NEMP2: variants seen among roughly 807,000 people sequenced by gnomAD.
NEMP2 encodes the protein UPF0571 transmembrane protein.
A neutral mutation model predicts 54.2 loss-of-function variants in NEMP2; 53 were observed. The observed-to-expected ratio is 0.98, with a 90% CI of 0.78 to 1.23. The LOEUF (loss-of-function observed/expected upper bound fraction) is 1.23. NEMP2 is among the 50% of genes most tolerant of loss of function. The pLI is 0.00. For missense variants in NEMP2, 455 were observed against 511.3 expected, an observed-to-expected ratio of 0.89 and a Z score of 1.06; for synonymous variants, 197 against 190.3, an observed-to-expected ratio of 1.04 and a Z score of -0.29.
At chr2:190,614,660 A>G in the NEMP2 span, among the ~76,000 whole-genome samples, 1 of 152,230 alleles carries the variant, frequency 6.6e-6, no homozygotes, top group Non-Finnish European at 1.5e-5. This position sits in a 1 kb window ranked among gnomAD's most constrained non-coding sequence, Gnocchi z 5.7. Flanking sequence ...TAAGACAGAT[A>G]CACAAATAAG....
chr2:190,553,236 C>A, the NEMP2 span: 1 of 91,538 alleles, frequency 1.1e-5, no homozygotes, highest in African/African-American at 4.2e-5. Flanking sequence ...ATTATGCATT[C>A]CATTCTTCGT....
At chr2:190,635,734 A>G in the NEMP2 span, among the ~76,000 whole-genome samples, 1 of 152,066 alleles carries the variant, frequency 6.6e-6, no homozygotes, top group African/African-American at 2.4e-5. The surrounding 1 kb of genome is among the most constrained non-coding windows in gnomAD (Gnocchi z 4.1). Flanking sequence ...CAGGTAAGAG[A>G]GCTTCTCAGA....
the NEMP2 span, among the ~76,000 whole-genome samples, chr2:190,605,928 T>G: frequency 6.6e-6 from 1 of 152,160 alleles, no homozygotes; most frequent in Non-Finnish European, 1.5e-5. Context: ...AAGTGAGAAC[T>G]CCTTATGGGC....
At chr2:190,500,413 G>A (rs568547675), downstream of NEMP2, 86 of 617,820 alleles carry the variant, frequency 1.4e-4, no homozygotes, top group Middle Eastern at 8.8e-4. The surrounding 1 kb of genome is among the most constrained non-coding windows in gnomAD (Gnocchi z 5.3). Flanking sequence ...GTAAACTTTC[G>A]TAATCTCATT....
upstream of NEMP2, among the ~76,000 whole-genome samples, chr2:190,537,686 A>G (rs967644678): frequency 6.6e-6 from 1 of 152,230 alleles, no homozygotes; most frequent in Admixed American, 6.5e-5. Flanking sequence ...GAAGCAGAGC[A>G]TGAAAGTTTG....
the NEMP2 span, among the ~76,000 whole-genome samples, chr2:190,486,890 G>GA: frequency 6.6e-6 from 1 of 152,158 alleles, no homozygotes; most frequent in Admixed American, 6.5e-5. Context: ...GTGTCTTAAT[G>GA]AAGGTTTTAA....
In NEMP2 at chr2:190,525,225, C is replaced by A. The variant is rs987866830; in HGVS notation, c.213+38G>T. On this transcript the variant is annotated intron_variant, in intron 2 of 8. Coordinates refer to ENST00000409150, the MANE Select transcript of NEMP2 (RefSeq NM_001142645.2). This position sits in a 1 kb window ranked among gnomAD's most constrained non-coding sequence, Gnocchi z 5.0. ...TTCCTGTCCCCAGGACATGGTAATT[C>A]TCTGTCCCTAAGACATGAGTTAAAA... 11 of 1,143,270 alleles carry A rather than the reference C, an allele frequency of 9.6e-6. No homozygotes were observed. Among genetic ancestry groups the A allele is most frequent in the Non-Finnish European group, 1.4e-5 (11 of 783,840 alleles). 70.8% of individuals were successfully genotyped at this position (1,143,270 alleles called of 1,614,324 possible).
At chr2:190,517,176 G>C (rs552400034) in intron 5 of NEMP2, among the ~76,000 whole-genome samples, 18 of 150,448 alleles carry the variant, frequency 1.2e-4, no homozygotes, top group Admixed American at 8.6e-4. Context: ...TGTTATTCAA[G>C]GCCCCAATGG....
chr2:190,620,755 C>T, the NEMP2 span, among the ~76,000 whole-genome samples: 1 of 152,102 alleles, frequency 6.6e-6, no homozygotes, highest in Non-Finnish European at 1.5e-5. This position sits in a 1 kb window ranked among gnomAD's most constrained non-coding sequence, Gnocchi z 4.9. Flanking sequence ...GTACAAGAAG[C>T]TCTAGACAAG....
chr2:190,626,370 T>C, the NEMP2 span: 2 of 152,126 alleles, frequency 1.3e-5, no homozygotes, highest in East Asian at 1.9e-4. The surrounding 1 kb of genome is among the most constrained non-coding windows in gnomAD (Gnocchi z 4.5). Flanking sequence ...AAAGTTAAAA[T>C]GAATAACAAA....
chr2:190,493,157 C>T, the NEMP2 span, among the ~76,000 whole-genome samples: 4 of 151,902 alleles, frequency 2.6e-5, no homozygotes, highest in African/African-American at 4.8e-5. Context: ...CATAGGAACT[C>T]ACATAAATTT....
At chr2:190,545,266 C>T in the NEMP2 span, among the ~76,000 whole-genome samples, 121 of 152,256 alleles carry the variant, frequency 7.9e-4, no homozygotes, top group African/African-American at 2.9e-3. Flanking sequence ...CACTTGATTC[C>T]TAAGGAGCCT....
the NEMP2 span, among the ~76,000 whole-genome samples, chr2:190,630,199 C>A: frequency 2.0e-5 from 3 of 152,202 alleles, no homozygotes; most frequent in Non-Finnish European, 4.4e-5. This position sits in a 1 kb window ranked among gnomAD's most constrained non-coding sequence, Gnocchi z 5.5. Context: ...CAACAATGCT[C>A]CTGCTCATTC....
the NEMP2 span, among the ~76,000 whole-genome samples, chr2:190,612,632 T>C: frequency 2.0e-5 from 3 of 152,192 alleles, no homozygotes; most frequent in East Asian, 3.8e-4. Context: ...AATTGAACAA[T>C]TTTTTAAGTC....
chr2:190,484,062 G>A, the NEMP2 span, among the ~76,000 whole-genome samples: 5 of 152,100 alleles, frequency 3.3e-5, no homozygotes, highest in African/African-American at 1.2e-4. Context: ...CTTGGTCTCT[G>A]AGAGTCATTC....
chr2:190,647,074 T>G, the NEMP2 span, among the ~76,000 whole-genome samples: 1 of 152,178 alleles, frequency 6.6e-6, no homozygotes, highest in East Asian at 1.9e-4. Context: ...CCATCTAACT[T>G]TCTCTTTAGT....
chr2:190,488,737 C>G, the NEMP2 span: 2 of 1,610,662 alleles, frequency 1.2e-6, no homozygotes, highest in Non-Finnish European at 1.7e-6. The surrounding 1 kb of genome is among the most constrained non-coding windows in gnomAD (Gnocchi z 6.4). Flanking sequence ...GACATCTGCT[C>G]AGGGCATCCT....
the NEMP2 span, among the ~76,000 whole-genome samples, chr2:190,565,430 C>T: frequency 4.6e-3 from 700 of 152,146 alleles, 10 homozygotes; most frequent in African/African-American, 0.016. Context: ...GGGTCATAAC[C>T]AACATTTTCT....
rs1375260816 is a variant in NEMP2 at position 190,525,375 on chromosome 2, C to T, written c.101G>A (p.Arg34His). ...TTTTTCCTTCAAAGCTTTACACCTA[C>T]GAACTGAGAGATGGAAAAGGGAATG... is the stretch of plus-strand genomic sequence containing the variant. ...GEAAAAALSV[R>H]RCKALKEKDL... is the part of the protein sequence containing the mutation. The change falls in exon 2 of 9, where the codon CGT becomes CAT. Residue 34 changes from arginine (R) to histidine (H), a missense_variant. Coordinates refer to ENST00000409150, the MANE Select transcript of NEMP2 (RefSeq NM_001142645.2). This position sits in a 1 kb window ranked among gnomAD's most constrained non-coding sequence, Gnocchi z 5.0. The T allele has an allele frequency of 5.3e-6, 8 of 1,503,926 alleles. No homozygotes were observed. Among genetic ancestry groups the T allele is most frequent in the African/African-American group, 1.4e-5 (1 of 71,910 alleles). The allele number at this position is 1,503,926 out of a possible 1,614,324, so 93.2% of individuals were successfully genotyped here.
Sources: allele counts gnomAD v4.1 joint callset (sites outside exome capture counted in the v4.1 genomes callset), GRCh38; gene constraint gnomAD v4.1.1; non-coding constraint Gnocchi (gnomAD v3.1); transcripts MANE v1.5; gene names NCBI Gene and HGNC (gene_info 2026-07-23, HGNC 2026-07-21).